ACSM1: variants seen among roughly 807,000 people sequenced by gnomAD.
ACSM1 encodes the protein acyl-CoA synthetase medium chain family member 1.
Under a neutral mutation model 75.8 loss-of-function variants are expected in ACSM1, and 79 were observed. That is an observed-to-expected ratio of 1.04 (90% confidence interval 0.87 to 1.26). The LOEUF is 1.26. Ranked by LOEUF, ACSM1 falls within the 50% of genes most tolerant of loss-of-function variation. The probability of loss-of-function intolerance (pLI) is 0.00; values close to 1 mark genes in which losing one functional copy is unlikely to be tolerated. For synonymous variants in ACSM1, 279 were observed against 265.8 expected (o/e 1.05, Z -0.48); for missense variants, 676 against 720.1 (o/e 0.94, Z 0.70).
At chr16:20,657,707 T>C (rs2019056699) in intron 7 of ACSM1, among the ~76,000 whole-genome samples, 1 of 152,038 alleles carries the variant, frequency 6.6e-6, no homozygotes, top group African/African-American at 2.4e-5. Flanking sequence ...GCTGCACCCA[T>C]TAACTCATCA....
At chr16:20,652,501 T>A (rs572650345) in intron 7 of ACSM1, among the ~76,000 whole-genome samples, 1 of 152,048 alleles carries the variant, frequency 6.6e-6, no homozygotes, top group Admixed American at 6.5e-5. Flanking sequence ...TATGGTAAAT[T>A]TTTGTCCTAA....
chr16:20,654,255 T>C (rs148744201), intron 7 of ACSM1, among the ~76,000 whole-genome samples: 1 of 152,292 alleles, frequency 6.6e-6, no homozygotes, highest in East Asian at 1.9e-4. Context: ...TAATTGAAGA[T>C]GGATTAAAGA....
chr16:20,668,294 T>C (rs1483000398), intron 6 of ACSM1, among the ~76,000 whole-genome samples: 1 of 152,194 alleles, frequency 6.6e-6, no homozygotes, highest in Non-Finnish European at 1.5e-5. Flanking sequence ...GGTAAATTTG[T>C]AGAATTTTAA....
At chr16:20,669,780 G>T (rs773805443) in intron 6 of ACSM1, 47 bp downstream of exon 6, 77 of 1,591,184 alleles carry the variant, frequency 4.8e-5, no homozygotes, top group Admixed American at 1.9e-4. Context: ...AGGAAACATG[G>T]ATTTTTTTCT....
chr16:20,668,956 AT>A (rs2019723678), intron 6 of ACSM1, among the ~76,000 whole-genome samples: 1 of 152,192 alleles, frequency 6.6e-6, no homozygotes. Context: ...TAGATTAAAG[AT>A]TAATAAAGAA....
intron 1 of ACSM1, among the ~76,000 whole-genome samples, chr16:20,692,432 T>C (rs1460): frequency 3.3e-5 from 5 of 152,208 alleles, no homozygotes; most frequent in Non-Finnish European, 5.9e-5. Context: ...GTGAGTTTAT[T>C]TGAAGACCTG....
intron 1 of ACSM1, among the ~76,000 whole-genome samples, chr16:20,697,361 G>A (rs1239351998): frequency 6.6e-6 from 1 of 152,008 alleles, no homozygotes; most frequent in Non-Finnish European, 1.5e-5. Context: ...CACATTCAGA[G>A]CTGCCTGACA....
chr16:20,681,798 T>G (rs943637445), intron 4 of ACSM1: 2 of 155,636 alleles, frequency 1.3e-5, no homozygotes, highest in African/African-American at 4.8e-5. Flanking sequence ...CAATTCCTCC[T>G]GAGGAAGAGA....
At chr16:20,681,776 T>C (rs2079451212) in intron 4 of ACSM1, 1 of 154,908 alleles carries the variant, frequency 6.5e-6, no homozygotes, top group Non-Finnish European at 1.4e-5. Flanking sequence ...CTCAATTGTA[T>C]GTAGGGAAAC....
intron 1 of ACSM1, among the ~76,000 whole-genome samples, chr16:20,693,721 T>C (rs1406400873): frequency 1.3e-5 from 2 of 152,202 alleles, no homozygotes; most frequent in East Asian, 3.9e-4. Context: ...CCCTCCTGCC[T>C]GCTTCTCCAC....
chr16:20,669,658 C>G (rs910269152), intron 6 of ACSM1, among the ~76,000 whole-genome samples, 169 bp downstream of exon 6: 1 of 152,168 alleles, frequency 6.6e-6, no homozygotes, highest in Non-Finnish European at 1.5e-5. Context: ...TTTGATGTGA[C>G]TCAGGTATAG....
chr16:20,626,846 T>C lies in ACSM1; in HGVS notation c.1427+343A>G, dbSNP rs2016953123. 2.6e-5 allele frequency among the ~76,000 whole-genome samples: 4 copies of C among 152,134 alleles called. No individual in the cohort carries two copies. In the South Asian group the frequency reaches 6.2e-4, roughly 24 times the overall value. Reference sequence around the variant, plus strand: ...ACTATGTTTGTCCTGTGACATTTGGTGCTGCATTAGAGGGGCACAAACATG... The same window carrying C: ...ACTATGTTTGTCCTGTGACATTTGGCGCTGCATTAGAGGGGCACAAACATG... On this transcript the variant is annotated intron_variant, in intron 11 of 13. Transcript: ENST00000520010.
At chr16:20,650,860 T>C (rs2018608538) in intron 7 of ACSM1, among the ~76,000 whole-genome samples, 1 of 152,072 alleles carries the variant, frequency 6.6e-6, no homozygotes, top group African/African-American at 2.4e-5. Context: ...CTGCAGACTA[T>C]AGAGTACATA....
chr16:20,667,071 G>A (rs542245910), intron 6 of ACSM1, among the ~76,000 whole-genome samples: 5 of 152,220 alleles, frequency 3.3e-5, no homozygotes, highest in Admixed American at 6.5e-5. Flanking sequence ...AAAACCAATT[G>A]CATCAAAACC....
chr16:20,633,666 A>G (rs2152202033), intron 10 of ACSM1, among the ~76,000 whole-genome samples: 1 of 152,328 alleles, frequency 6.6e-6, no homozygotes, highest in Admixed American at 6.5e-5. Flanking sequence ...TTGTTGCAGA[A>G]CTAGAAATAC....
intron 7 of ACSM1, among the ~76,000 whole-genome samples, chr16:20,655,856 T>G (rs575429054): frequency 6.6e-6 from 1 of 151,926 alleles, no homozygotes; most frequent in South Asian, 2.1e-4. Flanking sequence ...AGACATGGAG[T>G]TTCATCATAT....
rs1567314964 is a variant in ACSM1 at position 20,691,010 on chromosome 16, GC to G, written c.178del (p.Ala60LeufsTer18). ...NFASYVLDYWAQKEKEGKRGP... is the reference protein window; with the variant it reads ...NFASYVLDYWXQKEKEGKRGP... ...CAGATCTCTTACCTTCTCCTTTTGA[GC>G]CCAGTAGTCCAGTACATAACTTGCA... On this transcript the variant is annotated frameshift_variant, in exon 2 of 14. Coordinates refer to ENST00000520010, the MANE Select transcript of ACSM1 (RefSeq NM_001318890.3). LOFTEE classifies it high-confidence loss of function. 6.2e-7 allele frequency: 1 copy of G among 1,609,446 alleles called. No individual in the cohort carries two copies. Among genetic ancestry groups the G allele is most frequent in the Non-Finnish European group, 8.5e-7 (1 of 1,178,278 alleles).
chr16:20,625,641 G>T, intron 11 of ACSM1, 119 bp from the exon 12 acceptor site: 1 of 858,326 alleles, frequency 1.2e-6, no homozygotes, highest in Non-Finnish European at 1.8e-6. Context: ...AGGAAGCCAG[G>T]GACCCCTGAC....
rs574987742 is a variant in ACSM1 at position 20,665,812 on chromosome 16, G to A, written c.913-3939C>T. ...ATGATCAAGTAGGCTTTATTCCTGG[G>A]ATGCAAGGTTGGGTCAACATATGCA... On this transcript the variant is annotated intron_variant, in intron 6 of 13. Transcript: ENST00000520010. 1.1e-3 allele frequency among the ~76,000 whole-genome samples: 170 copies of A among 152,248 alleles called. 1 individual carries two copies. The highest frequency in any genetic ancestry group is 1.6e-3 in the Non-Finnish European group (110 of 68,018).
Sources: gnomAD v4.1 joint callset for allele counts (sites outside exome capture counted in the v4.1 genomes callset) on GRCh38, gnomAD v4.1.1 for gene constraint, MANE v1.5 for transcripts, NCBI Gene and HGNC (gene_info 2026-07-23, HGNC 2026-07-21) for gene names.